Variants in RBFOX3 observed in about 807,000 individuals in gnomAD.
The protein encoded by RBFOX3 is RNA binding fox-1 homolog 3.
A neutral mutation model predicts 48.7 loss-of-function variants in RBFOX3; 17 were observed. That is an observed-to-expected ratio of 0.35 (90% CI 0.24 to 0.52). RBFOX3 has a LOEUF of 0.52. Among genes scored for constraint, RBFOX3 ranks in the 20% least tolerant of loss-of-function variants. The pLI is 0.94. For missense variants in RBFOX3, 382 were observed against 497.5 expected (o/e 0.77, Z 2.21); for synonymous variants, 212 against 209.5 (o/e 1.01, Z -0.10).
intron 4 of RBFOX3, among the ~76,000 whole-genome samples, chr17:79,219,271 A>C (rs1210065134): frequency 6.6e-6 from 1 of 152,210 alleles, no homozygotes; most frequent in Non-Finnish European, 1.5e-5. Flanking sequence ...GGCTGGGCAC[A>C]GGGGAAAAGT....
rs1032287045 is a variant in RBFOX3 at position 79,562,647 on chromosome 17, G to A, written c.-320+48179C>T. ...ACATCCAGCACGAAGTACCACCCGG[G>A]CTGTTGCTGCTGCCGCTTCGGTGTC... On this transcript the variant is annotated intron_variant, in intron 1 of 14. Coordinates refer to ENST00000693108, the MANE Select transcript of RBFOX3 (RefSeq NM_001350451.2). Among the ~76,000 whole-genome samples, 443 of 152,268 alleles carry A rather than the reference G, an allele frequency of 2.9e-3. 6 individuals are homozygous for A. The highest frequency in any genetic ancestry group is 0.01 in the African/African-American group (430 of 41,548).
the RBFOX3 span, among the ~76,000 whole-genome samples, chr17:79,645,365 C>T: frequency 1.3e-4 from 20 of 152,162 alleles, no homozygotes; most frequent in Non-Finnish European, 2.8e-4. Context: ...TCTTTATGCG[C>T]CACCAAATGC....
intron 1 of RBFOX3, among the ~76,000 whole-genome samples, chr17:79,571,353 T>A (rs2092671133): frequency 6.6e-6 from 1 of 152,172 alleles, no homozygotes; most frequent in Non-Finnish European, 1.5e-5. Context: ...ACCTGGCCTC[T>A]GTCAAGCCTG....
intron 2 of RBFOX3, among the ~76,000 whole-genome samples, chr17:79,404,204 G>A (rs1371306855): frequency 6.6e-6 from 1 of 152,236 alleles, no homozygotes; most frequent in African/African-American, 2.4e-5. Context: ...AGAACAAGCT[G>A]GCGGGAAGCC....
intron 2 of RBFOX3, among the ~76,000 whole-genome samples, chr17:79,325,802 G>A (rs1030666832): frequency 1.1e-4 from 16 of 152,240 alleles, no homozygotes; most frequent in African/African-American, 3.4e-4. Context: ...CCTGACGGCT[G>A]GACTGCTCAC....
rs77267281 is a variant in RBFOX3, at chr17:79,404,245, G to A, written c.-175+78209C>T. On this transcript the variant is annotated intron_variant, in intron 2 of 14. Coordinates refer to ENST00000693108, the MANE Select transcript of RBFOX3 (RefSeq NM_001350451.2). ...ACTGAGGCCCGTGAGGACAGTGGGC[G>A]TGGGCAGGGCCACAGCGGTGGGAGC... 1.1e-3 allele frequency among the ~76,000 whole-genome samples: 173 copies of A among 152,314 alleles called. 3 individuals carry two copies. In the East Asian group the frequency reaches 0.024, roughly 21 times the overall value.
chr17:79,216,765 C>T (rs539475536), intron 4 of RBFOX3, among the ~76,000 whole-genome samples: 1 of 152,196 alleles, frequency 6.6e-6, no homozygotes, highest in African/African-American at 2.4e-5. Context: ...CCAACCTGAT[C>T]TCACTTTACA....
intron 1 of RBFOX3, among the ~76,000 whole-genome samples, chr17:79,578,053 C>T (rs1258205331): frequency 1.3e-5 from 2 of 152,356 alleles, no homozygotes; most frequent in Admixed American, 6.5e-5. Flanking sequence ...CTCACTTCCT[C>T]GGCCTGAGCA....
chr17:79,536,838 C>T (rs782742869), intron 1 of RBFOX3, among the ~76,000 whole-genome samples: 6 of 152,202 alleles, frequency 3.9e-5, no homozygotes, highest in Non-Finnish European at 5.9e-5. Flanking sequence ...GTAATCCCAG[C>T]GCTTTGGGAG....
rs1389278059 is a variant in RBFOX3, at chr17:79,361,704, C to T, written c.-174-53880G>A. On this transcript the variant is annotated intron_variant, in intron 2 of 14. Coordinates refer to ENST00000693108, the MANE Select transcript of RBFOX3 (RefSeq NM_001350451.2). The surrounding 1 kb of genome is among the most constrained non-coding windows in gnomAD (Gnocchi z 4.5). The stretch of plus-strand genomic sequence containing the variant: ...CATCATTCATTTCTTGGTCTTTGGG[C>T]CAAGGTCATGTGTGTGTGCACACGT... Among the ~76,000 whole-genome samples, 2 of 152,194 alleles carry T rather than the reference C, an allele frequency of 1.3e-5. No homozygotes were observed. Among genetic ancestry groups the T allele is most frequent in the African/African-American group, 4.8e-5 (2 of 41,454 alleles).
intron 4 of RBFOX3, among the ~76,000 whole-genome samples, chr17:79,127,814 C>T (rs2037713869): frequency 6.6e-6 from 1 of 152,162 alleles, no homozygotes; most frequent in Non-Finnish European, 1.5e-5. Context: ...GACCTGTGAC[C>T]CCCGATCCCA....
At chr17:79,101,443 G>A in intron 9 of RBFOX3, 141 bp downstream of exon 9, 1 of 747,364 alleles carries the variant, frequency 1.3e-6, no homozygotes, top group African/African-American at 1.7e-5. Context: ...CGGGAGCAGA[G>A]CGGCAGCCCC....
At chr17:79,348,348 C>T (rs1276353466) in intron 2 of RBFOX3, among the ~76,000 whole-genome samples, 1 of 152,174 alleles carries the variant, frequency 6.6e-6, no homozygotes, top group Non-Finnish European at 1.5e-5. Flanking sequence ...TAAGAACAGA[C>T]ATCAAACATT....
chr17:79,113,501 C>T (rs1253148630), intron 5 of RBFOX3, among the ~76,000 whole-genome samples: 1 of 152,172 alleles, frequency 6.6e-6, no homozygotes, highest in East Asian at 1.9e-4. Flanking sequence ...TGAGAGACCC[C>T]AGCCTGAAGA....
intron 3 of RBFOX3, among the ~76,000 whole-genome samples, chr17:79,239,980 T>G (rs2062128881): frequency 6.6e-6 from 1 of 152,216 alleles, no homozygotes; most frequent in Non-Finnish European, 1.5e-5. Context: ...GTCTCTCCTT[T>G]AGGCCCCTTG....
At chr17:79,176,511 G>C (rs1468055815) in intron 4 of RBFOX3, among the ~76,000 whole-genome samples, 1 of 152,250 alleles carries the variant, frequency 6.6e-6, no homozygotes, top group African/African-American at 2.4e-5. Context: ...TGCCCCGGAG[G>C]GACTGTGAAA....
chr17:79,387,672 G>A (rs1293301526), intron 2 of RBFOX3, among the ~76,000 whole-genome samples: 1 of 152,200 alleles, frequency 6.6e-6, no homozygotes, highest in Non-Finnish European at 1.5e-5. Flanking sequence ...TGTTGGACTG[G>A]GGGCCCCCAG....
upstream of RBFOX3, among the ~76,000 whole-genome samples, chr17:79,614,295 G>A (rs2093985904): frequency 6.6e-6 from 1 of 152,234 alleles, no homozygotes; most frequent in Non-Finnish European, 1.5e-5. Context: ...GTCCTGCACG[G>A]AGAGCCCCCC....
intron 2 of RBFOX3, among the ~76,000 whole-genome samples, chr17:79,342,006 C>G (rs2082174973): frequency 6.6e-6 from 1 of 152,238 alleles, no homozygotes; most frequent in Non-Finnish European, 1.5e-5. Flanking sequence ...TGGCTGGCCC[C>G]CTCCCCGGCC....
Sources: allele counts gnomAD v4.1 joint callset (sites outside exome capture counted in the v4.1 genomes callset), GRCh38; gene constraint gnomAD v4.1.1; non-coding constraint Gnocchi (gnomAD v3.1); transcripts MANE v1.5; gene names NCBI Gene and HGNC (gene_info 2026-07-23, HGNC 2026-07-21).